ABCG1: variants seen among roughly 807,000 people sequenced by gnomAD.
ABCG1 encodes the protein ATP binding cassette subfamily G member 1, also known as ATP-binding cassette sub-family G member 1.
A neutral mutation model predicts 69.2 loss-of-function variants in ABCG1; 29 were observed. The ratio of observed to expected loss-of-function variants is 0.42; its 90% CI spans 0.31 to 0.57. The LOEUF is 0.57. Ranked by LOEUF, ABCG1 falls within the 20% of genes least tolerant of loss-of-function variation. ABCG1 has a pLI of 0.15. For synonymous variants in ABCG1, 370 were observed against 374.8 expected (o/e 0.99, Z 0.15); for missense variants, 718 against 898.1 (o/e 0.80, Z 2.56).
At position 42,285,993 on chromosome 21, in the gene ABCG1, T is replaced by C; in HGVS notation, c.972T>C (p.Phe324=). 6.2e-7 allele frequency: 1 copy of C among 1,609,120 alleles called. No homozygotes were observed. The highest frequency in any genetic ancestry group is 8.5e-7 in the Non-Finnish European group (1 of 1,175,446). The stretch of plus-strand genomic sequence containing the variant: ...CAACCTACCACAACCCAGCAGATTT[T>C]GGTAAGCGGAGTCCTGAGCAGCTCG... ...NCPTYHNPAD[F]VMEVASGEYG... Residue 324 remains phenylalanine, a splice_region_variant and synonymous_variant, in exon 8 of 15, where the codon TTT becomes TTC. Transcript: ENST00000398449.
rs182515851 is a variant in ABCG1, at chr21:42,284,897, T to A, written c.858+214T>A. On this transcript the variant is annotated intron_variant, in intron 7 of 14. Coordinates refer to ENST00000398449, the MANE Select transcript of ABCG1 (RefSeq NM_016818.3). ...CAGCCTTCTGTTACCTCGTGGGATG[T>A]CTTCATGACATCAAACCCTGGGTAC... is the stretch of plus-strand genomic sequence containing the variant. 1.1e-3 allele frequency among the ~76,000 whole-genome samples: 164 copies of A among 152,140 alleles called. 1 individual carries two copies. In the Middle Eastern group the frequency reaches 0.017, roughly 16 times the overall value.
upstream of ABCG1, among the ~76,000 whole-genome samples, chr21:42,211,126 A>G (rs773024203): frequency 2.6e-5 from 4 of 151,748 alleles, no homozygotes; most frequent in Admixed American, 1.3e-4. Flanking sequence ...CATCTAGCTA[A>G]TTTTTGTATT....
rs1450325131 is a variant in ABCG1, at chr21:42,283,780, C to CA, written c.735-780_735-779insA. Among the ~76,000 whole-genome samples the CA allele has an allele frequency of 1.6e-4, 8 of 49,964 alleles. 1 individual carries two copies. The highest frequency in any genetic ancestry group is 0.016 in the Middle Eastern group (1 of 64). 32.8% of individuals were successfully genotyped at this position (49,964 alleles called of 152,430 possible). On this transcript the variant is annotated intron_variant, in intron 6 of 14. Coordinates refer to ENST00000398449, the MANE Select transcript of ABCG1 (RefSeq NM_016818.3). The stretch of plus-strand genomic sequence containing the variant: ...CTGCCTGGACAGTTGTGAAGTACCC[C>CA]CCAACCCAGATGAGTGGGGACCCCC...
chr21:42,266,301 A>AAAAC, intron 2 of ABCG1, among the ~76,000 whole-genome samples: 1 of 150,670 alleles, frequency 6.6e-6, no homozygotes, highest in African/African-American at 2.5e-5. Context: ...ACTCTGTCTC[A>AAAAC]AAATAAATAA....
At chr21:42,203,399 A>G (rs1569198550) in intron 2 of ABCG1, among the ~76,000 whole-genome samples, 1 of 151,844 alleles carries the variant, frequency 6.6e-6, no homozygotes, top group East Asian at 1.9e-4. Flanking sequence ...TCCTCCTAAT[A>G]TTTTTTCCCT....
chr21:42,263,413 G>A (rs181317935), intron 2 of ABCG1, among the ~76,000 whole-genome samples: 4 of 152,276 alleles, frequency 2.6e-5, no homozygotes, highest in South Asian at 2.1e-4. Flanking sequence ...GCCCTGAAGC[G>A]ACAGGAAGGG....
chr21:42,214,996 A>G (rs2067624600), upstream of ABCG1, among the ~76,000 whole-genome samples: 1 of 152,230 alleles, frequency 6.6e-6, no homozygotes. Flanking sequence ...CCCCGGCCAC[A>G]CAGTGAAGCA....
intron 1 of ABCG1, among the ~76,000 whole-genome samples, chr21:42,221,785 C>G (rs1014207626): frequency 6.6e-6 from 1 of 152,194 alleles, no homozygotes; most frequent in African/African-American, 2.4e-5. Context: ...CTCCTGTTTC[C>G]TGACTTCCTC....
chr21:42,260,228 TG>T lies in ABCG1; in HGVS notation c.287-10840del. The T allele has an allele frequency of 1.2e-5, 19 of 1,537,512 alleles. No homozygotes were observed. In the South Asian group the frequency reaches 1.7e-4, roughly 14 times the overall value. ...TAGATGCTCACTTCAACCCTGCAGG[TG>T]GCATTGGGCGGCAAGCATTTCTAGG... On this transcript the variant is annotated intron_variant, in intron 2 of 14. Transcript: ENST00000398449.
chr21:42,287,171 T>C lies in ABCG1; in HGVS notation c.974-718T>C, dbSNP rs917413188. The stretch of plus-strand genomic sequence containing the variant: ...ACAGAGGCAGGAGAGGGCAGAGGGG[T>C]TGGGAGAAAGCAGATGTAGGCAGAG... On this transcript the variant is annotated intron_variant, in intron 8 of 14. Transcript: ENST00000398449. The surrounding 1 kb of genome is among the most constrained non-coding windows in gnomAD (Gnocchi z 6.2). Among the ~76,000 whole-genome samples the C allele has an allele frequency of 6.6e-5, 10 of 150,568 alleles. No homozygotes were observed. The highest frequency in any genetic ancestry group is 1.5e-4 in the Non-Finnish European group (10 of 67,546).
At chr21:42,254,376 T>TGAGGGGTGGTAGG (rs1490345397) in intron 2 of ABCG1, among the ~76,000 whole-genome samples, 1 of 152,200 alleles carries the variant, frequency 6.6e-6, no homozygotes, top group Non-Finnish European at 1.5e-5. Flanking sequence ...CCACACTCAC[T>TGAGGGGTGGTAGG]GAGGGGTGGT....
At chr21:42,216,578 G>T (rs111396313), upstream of ABCG1, among the ~76,000 whole-genome samples, 5,008 of 152,252 alleles carry the variant, frequency 0.033, 140 homozygotes, top group Middle Eastern at 0.062. Context: ...AGCTGCTGGG[G>T]GGCCATGCAG....
intron 2 of ABCG1, among the ~76,000 whole-genome samples, chr21:42,249,382 G>C (rs1295196142): frequency 1.3e-5 from 2 of 152,154 alleles, no homozygotes; most frequent in African/African-American, 2.4e-5. Flanking sequence ...GGACTCCGGA[G>C]CCAGACCACT....
chr21:42,201,033 C>CT (rs1288672966), intron 1 of ABCG1, among the ~76,000 whole-genome samples: 1 of 151,992 alleles, frequency 6.6e-6, no homozygotes, highest in Admixed American at 6.5e-5. Flanking sequence ...AACCAACCAC[C>CT]TAGGTGTTAA....
chr21:42,275,836 G>A (rs776394589), intron 4 of ABCG1, among the ~76,000 whole-genome samples: 49 of 152,364 alleles, frequency 3.2e-4, no homozygotes, highest in Non-Finnish European at 6.0e-4. Context: ...TTGGCCGCCC[G>A]TTGCGGAGTC....
intron 2 of ABCG1, among the ~76,000 whole-genome samples, chr21:42,258,048 A>G (rs1256955229): frequency 1.8e-5 from 1 of 56,328 alleles, no homozygotes; most frequent in Non-Finnish European, 3.5e-5. Context: ...CCCTCCACTC[A>G]TCCCTCAACT....
chr21:42,229,974 A>T (rs1601359749), intron 2 of ABCG1, among the ~76,000 whole-genome samples: 2 of 152,208 alleles, frequency 1.3e-5, no homozygotes, highest in African/African-American at 4.8e-5. Context: ...AACGCAACAT[A>T]CAACGCCCTA....
chr21:42,290,960 T>C (rs1247141289), intron 11 of ABCG1, 132 bp from the exon 12 acceptor site: 1 of 648,892 alleles, frequency 1.5e-6, no homozygotes, highest in South Asian at 1.9e-5. Flanking sequence ...CATCCTCTGT[T>C]TGTTCAATCT....
chr21:42,213,515 G>T (rs1366576643), upstream of ABCG1, among the ~76,000 whole-genome samples: 1 of 152,258 alleles, frequency 6.6e-6, no homozygotes, highest in Non-Finnish European at 1.5e-5. Flanking sequence ...GCCCAGTGGA[G>T]GTGTGGGGGC....
Sources: allele counts gnomAD v4.1 joint callset (sites outside exome capture counted in the v4.1 genomes callset), GRCh38; gene constraint gnomAD v4.1.1; non-coding constraint Gnocchi (gnomAD v3.1); transcripts MANE v1.5; gene names NCBI Gene and HGNC (gene_info 2026-07-23, HGNC 2026-07-21).